Variants in MAL2 observed in about 807,000 individuals in gnomAD.
MAL2 encodes protein MAL2.
In MAL2, 17 loss-of-function variants were observed where a neutral mutation model predicts 18.1. The observed-to-expected ratio is 0.94, with a 90% confidence interval of 0.64 to 1.41. MAL2 has a LOEUF of 1.41. MAL2 is among the 40% of genes most tolerant of loss of function. The pLI, the probability that MAL2 is intolerant of heterozygous loss-of-function variation, is 0.00. For synonymous variants in MAL2, 102 were observed against 102.3 expected (o/e 1.00, Z 0.02); for missense variants, 222 against 231.9 (o/e 0.96, Z 0.28).
chr8:119,219,549 GTGTGTGAGAGAGAGAGAC>G (rs1817427877), intron 1 of MAL2, among the ~76,000 whole-genome samples: 1 of 148,734 alleles, frequency 6.7e-6, no homozygotes, highest in Non-Finnish European at 1.5e-5. Flanking sequence ...GTGTGTGTGT[GTGTGTGAGAGAGAGAGAC>G]AGAGAGAGAG....
intron 2 of MAL2, among the ~76,000 whole-genome samples, chr8:119,233,351 A>C (rs1402923120): frequency 6.6e-6 from 1 of 152,164 alleles, no homozygotes; most frequent in African/African-American, 2.4e-5. Context: ...GGAAATAGAG[A>C]CACAAAAAAC....
Position 119,243,402 on chromosome 8 carries a change from T to C in MAL2, c.460-15T>C, listed in dbSNP as rs1178062304. On this transcript the variant is annotated splice_polypyrimidine_tract_variant and intron_variant, in intron 3 of 3. Transcript: ENST00000614891. ...GTTGTAAATCTGATGTGAATTTTTG[T>C]TTCTTTTTTCTTAGATTTTTGCCTT... 1 of 1,569,044 alleles carries C rather than the reference T, an allele frequency of 6.4e-7. No homozygotes were observed. Among genetic ancestry groups the C allele is most frequent in the Non-Finnish European group, 8.7e-7 (1 of 1,155,230 alleles).
Position 119,243,568 on chromosome 8 carries a change from C to A in MAL2, c.*80C>A. On this transcript the variant is annotated 3_prime_UTR_variant, in exon 4 of 4. Transcript: ENST00000614891. ...CTGATCAATTTGGATACCATTTTGT[C>A]CAGATGCAAAAACATTCCAAAAGTA... The A allele has an allele frequency of 7.8e-7, 1 of 1,286,022 alleles. No individual in the cohort carries two copies. Among genetic ancestry groups the A allele is most frequent in the Non-Finnish European group, 1.1e-6 (1 of 947,412 alleles). The allele number at this position is 1,286,022 out of a possible 1,614,324, so 79.7% of individuals were successfully genotyped here.
chr8:119,239,357 G>T (rs1269602859), intron 2 of MAL2, among the ~76,000 whole-genome samples: 15 of 151,890 alleles, frequency 9.9e-5, no homozygotes, highest in Non-Finnish European at 1.5e-4. Flanking sequence ...CATTGTGGAA[G>T]TCAGTGTGGC....
intron 1 of MAL2, among the ~76,000 whole-genome samples, chr8:119,220,943 T>C (rs766954376): frequency 6.6e-6 from 1 of 152,192 alleles, no homozygotes; most frequent in Non-Finnish European, 1.5e-5. Flanking sequence ...TACCATTTGA[T>C]TCCCAGCACC....
rs912605368 is a variant in MAL2, at chr8:119,244,664, T to C, written c.*1176T>C. Reference sequence around the variant, plus strand: ...TTAAATTTGAATAGAGTATTAAATATAAAGTTGTAGATTCTTATGTGTTTT... The same window carrying C: ...TTAAATTTGAATAGAGTATTAAATACAAAGTTGTAGATTCTTATGTGTTTT... On this transcript the variant is annotated 3_prime_UTR_variant, in exon 4 of 4. Transcript: ENST00000614891. The C allele has an allele frequency of 6.6e-6, 1 of 152,198 alleles. No individual in the cohort carries two copies. The highest frequency in any genetic ancestry group is 2.4e-5 in the African/African-American group (1 of 41,460). 9.4% of individuals were successfully genotyped at this position (152,198 alleles called of 1,614,324 possible). A position where few individuals can be genotyped will look rare whatever the true frequency, so the allele number is the denominator to read the frequency against.
rs1034285087 is a variant in MAL2, at chr8:119,223,988, AGTT to A, written c.303+2235_303+2237del. 3.3e-5 allele frequency: 5 copies of A among 152,176 alleles called. No individual in the cohort carries two copies. In the East Asian group the frequency reaches 5.8e-4, roughly 18 times the overall value. 9.4% of individuals were successfully genotyped at this position (152,176 alleles called of 1,614,324 possible). On this transcript the variant is annotated intron_variant, in intron 2 of 3. Transcript: ENST00000614891. Reference sequence around the variant, plus strand: ...TGTCAGACATTAATGGCTCAAAAATAGTTGTTTTCTCCTGTGATAATAGTTTAC... The same window carrying A: ...TGTCAGACATTAATGGCTCAAAAATAGTTTTCTCCTGTGATAATAGTTTAC...
intron 2 of MAL2, among the ~76,000 whole-genome samples, chr8:119,227,355 TAAAAG>T (rs1817616847): frequency 6.6e-6 from 1 of 152,026 alleles, no homozygotes; most frequent in African/African-American, 2.4e-5. Flanking sequence ...ATAACACTTG[TAAAAG>T]AAAATAAAAG....
chr8:119,240,414 C>G (rs1818024470), intron 3 of MAL2, 94 bp downstream of exon 3: 2 of 1,290,132 alleles, frequency 1.6e-6, no homozygotes, highest in Non-Finnish European at 2.1e-6. Context: ...TAGTTTTCTT[C>G]AATGCTAGCC....
intron 2 of MAL2, among the ~76,000 whole-genome samples, chr8:119,235,194 G>A (rs1217006922): frequency 6.6e-6 from 1 of 152,184 alleles, no homozygotes; most frequent in Admixed American, 6.5e-5. Flanking sequence ...CGATCAACTG[G>A]AAGAAAGGGT....
chr8:119,208,462 G>A lies in MAL2; in HGVS notation c.-11G>A, dbSNP rs1817218296. The A allele has an allele frequency of 2.4e-6, 3 of 1,240,576 alleles. No individual in the cohort carries two copies. In the East Asian group the frequency reaches 9.8e-5, roughly 41 times the overall value. 76.8% of individuals were successfully genotyped at this position (1,240,576 alleles called of 1,614,324 possible). On this transcript the variant is annotated 5_prime_UTR_variant, in exon 1 of 4. Transcript: ENST00000614891. The surrounding 1 kb of genome is among the most constrained non-coding windows in gnomAD (Gnocchi z 4.3). ...GGCGGCGCGCGGAGACGCAGCAGCG[G>A]CAGCGGCAGCATGTCGGCCGGCGGA...
At chr8:119,233,915 C>G (rs1238382962) in intron 2 of MAL2, among the ~76,000 whole-genome samples, 1 of 152,098 alleles carries the variant, frequency 6.6e-6, no homozygotes, top group Non-Finnish European at 1.5e-5. Context: ...AACATTGATG[C>G]AAAAATCCTC....
Position 119,245,335 on chromosome 8 carries a change from ATT to A in MAL2, c.*1852_*1853del. The stretch of plus-strand genomic sequence containing the variant: ...TACTCTGCTAGAATTTAGGTGTGAG[ATT>A]TTTTGTTTCCCAGGTATAGCAGGCT... On this transcript the variant is annotated 3_prime_UTR_variant, in exon 4 of 4. Coordinates refer to ENST00000614891, the MANE Select transcript of MAL2 (RefSeq NM_052886.3). 6.6e-6 allele frequency: 1 copy of A among 152,634 alleles called. No homozygotes were observed. The highest frequency in any genetic ancestry group is 1.9e-4 in the East Asian group (1 of 5,170). The allele number at this position is 152,634 out of a possible 1,614,324, so 9.5% of individuals were successfully genotyped here.
chr8:119,222,079 G>C (rs1023078479), intron 2 of MAL2, among the ~76,000 whole-genome samples: 5 of 152,052 alleles, frequency 3.3e-5, no homozygotes, highest in Non-Finnish European at 7.4e-5. Context: ...ATGCCTTTGG[G>C]AACTAAACAT....
intron 2 of MAL2, among the ~76,000 whole-genome samples, chr8:119,239,533 A>G (rs1817999315): frequency 6.6e-6 from 1 of 152,018 alleles, no homozygotes; most frequent in Non-Finnish European, 1.5e-5. Context: ...ATGTCCAACA[A>G]TGATAGACTG....
At chr8:119,228,085 C>A (rs1373884113) in intron 2 of MAL2, among the ~76,000 whole-genome samples, 1 of 152,252 alleles carries the variant, frequency 6.6e-6, no homozygotes, top group Non-Finnish European at 1.5e-5. Context: ...TCCTTTCGCC[C>A]TCTTATGGCA....
At position 119,221,691 on chromosome 8, in the gene MAL2, G is replaced by T. The variant is rs377088720; in HGVS notation, c.237G>T (p.Ser79=). ...TGTCCGTGACAGCGTTTTTCTTTTC[G>T]CTCCTCTTTCTGGGCATGTTCCTCT... ...MFVSVTAFFF[S]LLFLGMFLSG... is the part of the protein sequence containing the mutation. The change falls in exon 2 of 4, where the codon TCG becomes TCT. Residue 79 remains serine (S), a synonymous_variant. Transcript: ENST00000614891. 2.5e-5 allele frequency: 41 copies of T among 1,613,518 alleles called. No individual in the cohort carries two copies. The highest frequency in any genetic ancestry group is 3.4e-5 in the Non-Finnish European group (40 of 1,179,824).
chr8:119,236,896 A>G (rs1033399279), intron 2 of MAL2, among the ~76,000 whole-genome samples: 24 of 150,418 alleles, frequency 1.6e-4, no homozygotes, highest in African/African-American at 5.7e-4. Flanking sequence ...GAAAAGCAAG[A>G]GCAAACACAT....
chr8:119,222,222 T>C (rs1038866731), intron 2 of MAL2, among the ~76,000 whole-genome samples: 1 of 151,932 alleles, frequency 6.6e-6, no homozygotes, highest in African/African-American at 2.4e-5. Context: ...TTAAAAAGAA[T>C]TGGTGAGTTT....
Sources: gnomAD v4.1 joint callset for allele counts (sites outside exome capture counted in the v4.1 genomes callset) on GRCh38, gnomAD v4.1.1 for gene constraint, Gnocchi (gnomAD v3.1) non-coding constraint, MANE v1.5 for transcripts, NCBI Gene and HGNC (gene_info 2026-07-23, HGNC 2026-07-21) for gene names.